TSPAN1: variants seen among roughly 807,000 people sequenced by gnomAD.
TSPAN1 encodes tetraspanin-1.
In TSPAN1, 23 loss-of-function variants were observed where a neutral mutation model predicts 26.9. The observed-to-expected ratio is 0.85, with a 90% CI of 0.62 to 1.21. The LOEUF is 1.21. Ranked by LOEUF, TSPAN1 falls within the 50% of genes most tolerant of loss-of-function variation. The probability of loss-of-function intolerance (pLI) is 0.00; values close to 1 mark genes in which losing one functional copy is unlikely to be tolerated. For synonymous variants in TSPAN1, 115 were observed against 114.8 expected, an observed-to-expected ratio of 1.00 and a Z score of -0.01; for missense variants, 283 against 298.4, an observed-to-expected ratio of 0.95 and a Z score of 0.38.
At chr1:46,186,812 G>A (rs1318823003), downstream of TSPAN1, among the ~76,000 whole-genome samples, 3 of 151,868 alleles carry the variant, frequency 2.0e-5, no homozygotes, top group Admixed American at 1.3e-4. Flanking sequence ...ACAGGCGCCC[G>A]CCACCTCGCC....
rs534104326 is a variant in TSPAN1 at position 46,175,336 on chromosome 1, A to G, written c.-215A>G. On this transcript the variant is annotated 5_prime_UTR_variant, in exon 1 of 9. It removes an upstream start codon present in the reference 5' UTR. Transcript: ENST00000372003. ...CAAGAGCTGAGACCAAAGATGGTCT[A>G]TGTTGCTGACCTTGTCCTGTCCTCC... is the stretch of plus-strand genomic sequence containing the variant. 4.7e-5 allele frequency: 17 copies of G among 358,150 alleles called. No homozygotes were observed. Among genetic ancestry groups the G allele is most frequent in the Non-Finnish European group, 8.0e-5 (16 of 201,132 alleles). 22.2% of individuals were successfully genotyped at this position (358,150 alleles called of 1,614,324 possible).
chr1:46,195,075 C>A, the TSPAN1 span: 1 of 901,286 alleles, frequency 1.1e-6, no homozygotes, highest in Non-Finnish European at 1.9e-6. Flanking sequence ...TACATTATTG[C>A]AATAACCCTC....
At chr1:46,186,596 TCTC>T (rs1306235216), downstream of TSPAN1, among the ~76,000 whole-genome samples, 2 of 150,470 alleles carry the variant, frequency 1.3e-5, no homozygotes, top group African/African-American at 4.9e-5. Context: ...TTCAAGCAGT[TCTC>T]CTGCCTCAGC....
intron 4 of TSPAN1, 88 bp from the exon 5 acceptor site, chr1:46,184,506 T>A: frequency 1.2e-6 from 2 of 1,603,252 alleles, no homozygotes; most frequent in Non-Finnish European, 1.7e-6. Flanking sequence ...CTCAGGCTTC[T>A]GTCTCACTTT....
chr1:46,188,640 T>G (rs552463046), downstream of TSPAN1: 1 of 1,540,426 alleles, frequency 6.5e-7, no homozygotes, highest in South Asian at 1.3e-5. Context: ...ACCACTTCCC[T>G]CCAGCACCCC....
At chr1:46,179,410 T>C (rs1480401951) in intron 1 of TSPAN1, among the ~76,000 whole-genome samples, 1 of 152,130 alleles carries the variant, frequency 6.6e-6, no homozygotes, top group Non-Finnish European at 1.5e-5. Context: ...CATTCCCTAC[T>C]GTCCCTTCCT....
the TSPAN1 span, chr1:46,192,271 G>A: frequency 1.2e-6 from 2 of 1,614,154 alleles, no homozygotes; most frequent in South Asian, 2.2e-5. Flanking sequence ...CGAGTTGGTA[G>A]GGGACTCCAG....
chr1:46,192,061 ATGCCACACTG>A, the TSPAN1 span: 1 of 1,597,216 alleles, frequency 6.3e-7, no homozygotes, highest in Non-Finnish European at 8.6e-7. Context: ...CTTGACTGTC[ATGCCACACTG>A]TGCCCTGCTC....
At position 46,184,269 on chromosome 1, in the gene TSPAN1, C is replaced by G; in HGVS notation, c.136C>G (p.Leu46Val). The change falls in exon 4 of 9, where the codon CTG (leucine) becomes GTG (valine). Residue 46 changes from leucine (L) to valine (V), a missense_variant. By Grantham distance (32) the Leu-to-Val change is conservative. Coordinates refer to ENST00000372003, the MANE Select transcript of TSPAN1 (RefSeq NM_005727.4). Reference sequence around the variant, plus strand: ...ATCCTTTCTGAAGATCTTCGGGCCACTGTCGTCCAGTGCCATGCAGTTTGT... The same window carrying G: ...ATCCTTTCTGAAGATCTTCGGGCCAGTGTCGTCCAGTGCCATGCAGTTTGT... The part of the protein sequence containing the change: ...GASFLKIFGP[L>V]SSSAMQFVNV... The G allele has an allele frequency of 6.2e-7, 1 of 1,614,208 alleles. No individual in the cohort carries two copies. Among genetic ancestry groups the G allele is most frequent in the Non-Finnish European group, 8.5e-7 (1 of 1,180,044 alleles).
At chr1:46,182,353 G>A (rs1657334149) in intron 3 of TSPAN1, among the ~76,000 whole-genome samples, 1 of 139,126 alleles carries the variant, frequency 7.2e-6, no homozygotes, top group South Asian at 2.3e-4. Context: ...AGCAGTGGGA[G>A]GGGGAGAGGA....
downstream of TSPAN1, among the ~76,000 whole-genome samples, chr1:46,186,488 C>CTTTTTTTTTTT (rs751253861): frequency 6.9e-5 from 9 of 130,118 alleles, no homozygotes; most frequent in Non-Finnish European, 1.2e-4. Context: ...CTTTTCTTTT[C>CTTTTTTTTTTT]TTTTTTTTTT....
downstream of TSPAN1, chr1:46,188,941 C>A: frequency 6.2e-7 from 1 of 1,612,784 alleles, no homozygotes; most frequent in African/African-American, 1.3e-5. Context: ...TTTCAAGGCC[C>A]TCAGGACAGT....
At chr1:46,176,541 T>C in intron 1 of TSPAN1, 2 of 1,506,404 alleles carry the variant, frequency 1.3e-6, no homozygotes, top group Non-Finnish European at 1.8e-6. Context: ...CTCTATGACA[T>C]ACAAAGTCTG....
downstream of TSPAN1, among the ~76,000 whole-genome samples, chr1:46,186,488 CTTTTTTTT>C (rs751253861): frequency 3.3e-3 from 426 of 130,130 alleles, 1 homozygote; most frequent in Non-Finnish European, 6.1e-3. Context: ...CTTTTCTTTT[CTTTTTTTT>C]TTTTTTTTTT....
At chr1:46,190,756 T>C (rs372610527), downstream of TSPAN1, 9 of 1,613,850 alleles carry the variant, frequency 5.6e-6, no homozygotes, top group African/African-American at 1.2e-4. Flanking sequence ...TGGAACCGTG[T>C]TGAACTTGTG....
chr1:46,184,885 T>A lies in TSPAN1; in HGVS notation c.438+2T>A. The A allele has an allele frequency of 6.2e-7, 1 of 1,613,934 alleles. No homozygotes were observed. ...GTGTGGAACACCACCATGAAAGGGGTAAGGTTGGCTGGGGGAGGTTTTAGG... is the reference window on the plus strand; with the variant it reads ...GTGTGGAACACCACCATGAAAGGGGAAAGGTTGGCTGGGGGAGGTTTTAGG... On this transcript the variant is annotated splice_donor_variant, in intron 6 of 8. Coordinates refer to ENST00000372003, the MANE Select transcript of TSPAN1 (RefSeq NM_005727.4). LOFTEE classifies it high-confidence loss of function.
chr1:46,190,749 A>T (rs1279718315), downstream of TSPAN1: 1 of 1,613,920 alleles, frequency 6.2e-7, no homozygotes, highest in Admixed American at 1.7e-5. Context: ...GGACACCTGG[A>T]ACCGTGTTGA....
At chr1:46,180,166 T>G (rs935190591) in intron 1 of TSPAN1, among the ~76,000 whole-genome samples, 8 of 152,260 alleles carry the variant, frequency 5.3e-5, no homozygotes, top group Non-Finnish European at 7.3e-5. Flanking sequence ...AACTGGGTGC[T>G]TGCTGTATGA....
chr1:46,181,983 T>A (rs1657323657), intron 3 of TSPAN1, among the ~76,000 whole-genome samples: 1 of 151,866 alleles, frequency 6.6e-6, no homozygotes, highest in Admixed American at 6.6e-5. Flanking sequence ...GTGGTGGAGA[T>A]AGGGAGAAAC....
Sources: gnomAD v4.1 joint callset for allele counts (sites outside exome capture counted in the v4.1 genomes callset) on GRCh38, gnomAD v4.1.1 for gene constraint, MANE v1.5 for transcripts, NCBI Gene and HGNC (gene_info 2026-07-23, HGNC 2026-07-21) for gene names.